IQSEC1: variants seen among roughly 807,000 people sequenced by gnomAD.
IQSEC1 encodes the protein IQ motif and SEC7 domain-containing protein 1.
In IQSEC1, 31 loss-of-function variants were observed where a neutral mutation model predicts 91.0. The observed-to-expected ratio is 0.34, with a 90% CI of 0.26 to 0.46. IQSEC1 has a LOEUF of 0.46. IQSEC1 is among the 20% of genes least tolerant of loss of function. The pLI is 1.00. For synonymous variants in IQSEC1, 699 were observed against 662.6 expected (o/e 1.05, Z -0.84); for missense variants, 1,388 against 1,575.6 (o/e 0.88, Z 2.02).
chr3:13,086,652 T>A (rs1433037779), intron 2 of IQSEC1, among the ~76,000 whole-genome samples: 1 of 152,188 alleles, frequency 6.6e-6, no homozygotes, highest in Non-Finnish European at 1.5e-5. Flanking sequence ...GCCTGCTCCC[T>A]TCCATGAGAG....
At chr3:13,236,692 G>C (rs115900758) in intron 1 of IQSEC1, among the ~76,000 whole-genome samples, 2 of 152,196 alleles carry the variant, frequency 1.3e-5, no homozygotes, top group Admixed American at 1.3e-4. Context: ...GTGAGAAGGC[G>C]CCAGCTCCAC....
At chr3:13,048,902 A>C (rs969298452) in intron 1 of IQSEC1, among the ~76,000 whole-genome samples, 11 of 152,036 alleles carry the variant, frequency 7.2e-5, no homozygotes, top group Non-Finnish European at 1.5e-4. Context: ...GCCAGAACCC[A>C]CCCAGGGCCA....
In IQSEC1 at chr3:13,263,434, G is replaced by GT. The variant is rs1356377754; in HGVS notation, c.272+19276_272+19277insA. Among the ~76,000 whole-genome samples the GT allele has an allele frequency of 1.1e-3, 150 of 132,116 alleles. 4 individuals are homozygous for GT. The highest frequency in any genetic ancestry group is 3.9e-3 in the Middle Eastern group (1 of 256). The allele number at this position is 132,116 out of a possible 152,430, so 86.7% of individuals were successfully genotyped here. A position where few individuals can be genotyped will look rare whatever the true frequency, so the allele number is the denominator to read the frequency against. ...ACCTGACACTTTTTTTTTTGGGGGG[G>GT]GGGGGAAAGTACCTGACACTTTTTT... On this transcript the variant is annotated intron_variant, in intron 1 of 15. Coordinates refer to the IQSEC1 transcript ENST00000648114.
At chr3:13,230,502 C>A (rs571584084) in intron 1 of IQSEC1, among the ~76,000 whole-genome samples, 22 of 152,314 alleles carry the variant, frequency 1.4e-4, no homozygotes, top group African/African-American at 5.3e-4. Context: ...TTTGAGCATC[C>A]CCAAAACTGT....
intron 1 of IQSEC1, among the ~76,000 whole-genome samples, chr3:13,219,995 C>T (rs1208238327): frequency 3.3e-5 from 5 of 152,262 alleles, no homozygotes; most frequent in Admixed American, 1.3e-4. Context: ...TGGCAAAAGT[C>T]ACCTGCAGCC....
At chr3:13,036,914 G>A (rs112907221) in intron 1 of IQSEC1, among the ~76,000 whole-genome samples, 27 of 152,368 alleles carry the variant, frequency 1.8e-4, no homozygotes, top group Middle Eastern at 3.4e-3. Context: ...TCCACGGCAT[G>A]CTGAAGGTGA....
At chr3:13,273,334 C>A (rs1453776954) in intron 1 of IQSEC1, among the ~76,000 whole-genome samples, 1 of 152,194 alleles carries the variant, frequency 6.6e-6, no homozygotes, top group Non-Finnish European at 1.5e-5. Context: ...GCTCCTCCCT[C>A]AAGGTGAAAG....
At chr3:13,246,234 C>A (rs1415925456) in intron 1 of IQSEC1, among the ~76,000 whole-genome samples, 9 of 152,134 alleles carry the variant, frequency 5.9e-5, no homozygotes, top group African/African-American at 9.7e-5. Context: ...CAGGGTGTGC[C>A]GCAGAGTAAA....
At position 12,935,641 on chromosome 3, in the gene IQSEC1, T is replaced by C. The variant is rs760239151; in HGVS notation, c.1375A>G (p.Ile459Val). The change falls in exon 3 of 14, where the codon ATC becomes GTC. Residue 459 changes from isoleucine (I) to valine (V), a missense_variant. Coordinates refer to ENST00000613206, the MANE Select transcript of IQSEC1 (RefSeq NM_001134382.3). The surrounding 1 kb of genome is among the most constrained non-coding windows in gnomAD (Gnocchi z 8.0). ...TCGTTGGAGTTGGACGTGCTGTTGA[T>C]GCTGTCATTGTCACCGTCTGAGTAG... ...SDYSDGDNDS[I>V]NSTSNSNDTI... 1 of 1,614,008 alleles carries C rather than the reference T, an allele frequency of 6.2e-7. No homozygotes were observed. The highest frequency in any genetic ancestry group is 8.5e-7 in the Non-Finnish European group (1 of 1,180,054).
At chr3:13,245,553 G>C (rs1009556901) in intron 1 of IQSEC1, among the ~76,000 whole-genome samples, 10 of 152,160 alleles carry the variant, frequency 6.6e-5, no homozygotes, top group Admixed American at 4.6e-4. Flanking sequence ...GATCACTTGA[G>C]GTCAGGAGTT....
chr3:13,077,180 C>G (rs964599456), upstream of IQSEC1, among the ~76,000 whole-genome samples: 17 of 152,002 alleles, frequency 1.1e-4, no homozygotes, highest in African/African-American at 4.1e-4. Flanking sequence ...GCATGCACCA[C>G]CAAACCCAGA....
intron 1 of IQSEC1, among the ~76,000 whole-genome samples, chr3:12,955,054 G>C (rs552692615): frequency 3.3e-5 from 5 of 152,232 alleles, no homozygotes; most frequent in Admixed American, 6.5e-5. Context: ...GCGCAGCCCA[G>C]CCTGGCAGAG....
At chr3:13,052,532 C>T (rs1426993979) in intron 1 of IQSEC1, among the ~76,000 whole-genome samples, 1 of 152,206 alleles carries the variant, frequency 6.6e-6, no homozygotes, top group Admixed American at 6.5e-5. Flanking sequence ...TGTGTAGACG[C>T]CAGTCTTCAT....
In IQSEC1 at chr3:13,266,985, C is replaced by T. The variant is rs79164161; in HGVS notation, c.272+15726G>A. On this transcript the variant is annotated intron_variant, in intron 1 of 15. Transcript: ENST00000648114. ...CCCCACACATAAGAGGCTCCATAAC[C>T]GCTTACTCGATTGGACCTTGCTGTG... Among the ~76,000 whole-genome samples, 310 of 151,840 alleles carry T rather than the reference C, an allele frequency of 2.0e-3. 8 individuals are homozygous for T. The highest frequency in any genetic ancestry group is 0.02 in the East Asian group (103 of 5,150).
At chr3:13,118,834 G>A (rs1309689301) in intron 2 of IQSEC1, among the ~76,000 whole-genome samples, 2 of 152,074 alleles carry the variant, frequency 1.3e-5, no homozygotes, top group Non-Finnish European at 2.9e-5. Flanking sequence ...TCAGCACTTC[G>A]GGAGGCCAAG....
upstream of IQSEC1, among the ~76,000 whole-genome samples, chr3:13,075,760 G>T (rs1483015730): frequency 2.6e-5 from 4 of 152,184 alleles, no homozygotes; most frequent in Non-Finnish European, 5.9e-5. Flanking sequence ...GCACTGGCGC[G>T]GTTTTGATTT....
At chr3:13,208,469 C>T (rs188637898) in intron 1 of IQSEC1, among the ~76,000 whole-genome samples, 340 of 152,260 alleles carry the variant, frequency 2.2e-3, no homozygotes, top group African/African-American at 6.5e-3. Flanking sequence ...AACTCCTGTT[C>T]ACCTGTAACA....
chr3:13,278,529 TGG>T (rs1238127165), intron 1 of IQSEC1, among the ~76,000 whole-genome samples: 2 of 152,114 alleles, frequency 1.3e-5, no homozygotes, highest in South Asian at 2.1e-4. Context: ...GGATAGGAGC[TGG>T]GGGGAGGCTG....
intron 2 of IQSEC1, among the ~76,000 whole-genome samples, chr3:13,104,398 C>T (rs1047200401): frequency 2.0e-5 from 3 of 152,166 alleles, no homozygotes; most frequent in Admixed American, 6.5e-5. Context: ...TCTAATTCCA[C>T]TTCCATCTTC....
Sources: allele counts gnomAD v4.1 joint callset (sites outside exome capture counted in the v4.1 genomes callset), GRCh38; gene constraint gnomAD v4.1.1; non-coding constraint Gnocchi (gnomAD v3.1); transcripts MANE v1.5; gene names NCBI Gene and HGNC (gene_info 2026-07-23, HGNC 2026-07-21).